ACYP2: variants seen among roughly 807,000 people sequenced by gnomAD.
ACYP2 encodes acylphosphatase 2.
ACYP2 carries 12 observed loss-of-function variants against 11.2 expected under a neutral mutation model. That is an observed-to-expected ratio of 1.08 (90% confidence interval 0.69 to 1.74). The LOEUF is 1.74. Among genes scored for constraint, ACYP2 ranks in the 40% most tolerant of loss-of-function variants. The probability of loss-of-function intolerance (pLI) is 0.00; values close to 1 mark genes in which losing one functional copy is unlikely to be tolerated. For synonymous variants in ACYP2, 43 were observed against 32.2 expected (o/e 1.33, Z -1.13); for missense variants, 134 against 101.9 (o/e 1.31, Z -1.35).
chr2:54,071,583 G>A (rs1008965496), intron 4 of ACYP2, among the ~76,000 whole-genome samples: 2 of 151,862 alleles, frequency 1.3e-5, no homozygotes, highest in African/African-American at 2.4e-5. Flanking sequence ...CTGCCACCTC[G>A]GCCTTCTGAG....
At position 54,102,638 on chromosome 2, in the gene ACYP2, C is replaced by CAAAAAAAAAA. The variant is rs58842257; in HGVS notation, c.278-32788_278-32779dup. 1.7e-3 allele frequency among the ~76,000 whole-genome samples: 140 copies of CAAAAAAAAAA among 83,310 alleles called. 26 individuals carry two copies. Among genetic ancestry groups the CAAAAAAAAAA allele is most frequent in the Non-Finnish European group, 1.9e-3 (83 of 43,282 alleles). The allele number at this position is 83,310 out of a possible 152,430, so 54.7% of individuals were successfully genotyped here. On this transcript the variant is annotated intron_variant, in intron 4 of 6. Transcript: ENST00000607452. ...AAACCCAATTTAAGCTGGCTTAAGC[C>CAAAAAAAAAA]AAAAAAAAAAAAAAAAAAAAAAAAA...
At chr2:54,238,070 C>A (rs1489678753) in intron 6 of ACYP2, among the ~76,000 whole-genome samples, 2 of 152,160 alleles carry the variant, frequency 1.3e-5, no homozygotes, top group East Asian at 3.8e-4. Flanking sequence ...GACTCATTCC[C>A]TTACATGATT....
At chr2:54,126,868 A>C in intron 4 of ACYP2, among the ~76,000 whole-genome samples, 1 of 151,658 alleles carries the variant, frequency 6.6e-6, no homozygotes, top group East Asian at 1.9e-4. Flanking sequence ...GCAGGAGAAT[A>C]AGTTGGACCC....
intron 4 of ACYP2, among the ~76,000 whole-genome samples, chr2:54,070,433 G>T (rs535807691): frequency 8.2e-4 from 125 of 152,246 alleles, no homozygotes; most frequent in Non-Finnish European, 4.9e-4. Flanking sequence ...TGGTTAAGTG[G>T]TTTCATGAGG....
chr2:54,052,248 T>G (rs1430057377), intron 3 of ACYP2, among the ~76,000 whole-genome samples: 1 of 152,122 alleles, frequency 6.6e-6, no homozygotes, highest in African/African-American at 2.4e-5. Context: ...ACAATTGAAA[T>G]GTAAGTCTGT....
intron 6 of ACYP2, among the ~76,000 whole-genome samples, chr2:54,243,078 T>G (rs1414351419): frequency 6.6e-6 from 1 of 152,242 alleles, no homozygotes; most frequent in Non-Finnish European, 1.5e-5. Flanking sequence ...TAGCCCTTTG[T>G]CTGTGATATG....
At chr2:54,283,064 A>G (rs768179965) in intron 6 of ACYP2, among the ~76,000 whole-genome samples, 2 of 152,206 alleles carry the variant, frequency 1.3e-5, no homozygotes, top group Non-Finnish European at 2.9e-5. Flanking sequence ...GAAATTTTTT[A>G]TACTTTGCAC....
chr2:54,236,422 A>C lies in ACYP2; in HGVS notation c.405-68266A>C, dbSNP rs574828452. On this transcript the variant is annotated intron_variant, in intron 6 of 6. Coordinates refer to ENST00000607452, the MANE Select transcript of ACYP2 (RefSeq NM_001320586.2). The stretch of plus-strand genomic sequence containing the variant: ...GAACATTTACTTCAAAATGGGCTCT[A>C]ATTTCCACTGTGACTTTTTTCTTTG... 5.3e-5 allele frequency among the ~76,000 whole-genome samples: 8 copies of C among 152,328 alleles called. No homozygotes were observed. In the East Asian group the frequency reaches 1.3e-3, roughly 26 times the overall value.
At chr2:54,074,865 T>C (rs10865277) in intron 4 of ACYP2, among the ~76,000 whole-genome samples, 58,034 of 151,884 alleles carry the variant, frequency 0.38, 11,763 homozygotes, top group East Asian at 0.67. Context: ...TGAGGTTCAC[T>C]CACATTATGG....
chr2:54,304,677 T>C lies in ACYP2; in HGVS notation c.405-11T>C. 1 of 1,591,058 alleles carries C rather than the reference T, an allele frequency of 6.3e-7. No homozygotes were observed. On this transcript the variant is annotated splice_polypyrimidine_tract_variant and intron_variant, in intron 6 of 6. Coordinates refer to ENST00000607452, the MANE Select transcript of ACYP2 (RefSeq NM_001320586.2). ...TATGCTAATTTTATTTATTTATCTG[T>C]TTTTTTATAGGAAGTCCTGGCTGAG...
At chr2:54,010,658 G>A (rs147209198) in intron 2 of ACYP2, among the ~76,000 whole-genome samples, 32 of 151,242 alleles carry the variant, frequency 2.1e-4, no homozygotes, top group African/African-American at 6.8e-4. Context: ...TTAGTGTTTG[G>A]ATTAAATTTC....
rs1447852707 is a variant in ACYP2 at position 54,115,905 on chromosome 2, G to GGGGGGGT, written c.278-19548_278-19547insGGGGGGT. The GGGGGGGT allele has an allele frequency of 1.4e-4, 148 of 1,049,164 alleles. 1 individual carries two copies. Among genetic ancestry groups the GGGGGGGT allele is most frequent in the African/African-American group, 1.0e-3 (44 of 42,874 alleles). The allele number at this position is 1,049,164 out of a possible 1,614,324, so 65.0% of individuals were successfully genotyped here. A position where few individuals can be genotyped will look rare whatever the true frequency, so the allele number is the denominator to read the frequency against. ...TGACACAGCAGCGGCGGCGGGGAGG[G>GGGGGGGT]AGGCGAAACGCGCATGCGCCCGAGG... On this transcript the variant is annotated intron_variant, in intron 4 of 6. Coordinates refer to ENST00000607452, the MANE Select transcript of ACYP2 (RefSeq NM_001320586.2).
chr2:54,110,666 C>T (rs1237942621), intron 4 of ACYP2, among the ~76,000 whole-genome samples: 1 of 151,966 alleles, frequency 6.6e-6, no homozygotes, highest in East Asian at 1.9e-4. Flanking sequence ...AGTCCAACAC[C>T]CACCTCAGGA....
intron 6 of ACYP2, among the ~76,000 whole-genome samples, chr2:54,149,859 G>A (rs1026801533): frequency 6.6e-6 from 1 of 152,178 alleles, no homozygotes; most frequent in African/African-American, 2.4e-5. Context: ...GAAGGCATTG[G>A]GGAATTTAGC....
intron 6 of ACYP2, among the ~76,000 whole-genome samples, chr2:54,165,193 A>T (rs1478110202): frequency 6.6e-6 from 1 of 152,128 alleles, no homozygotes; most frequent in Non-Finnish European, 1.5e-5. Flanking sequence ...CATCTTGGAG[A>T]CACTGTATAG....
intron 6 of ACYP2, among the ~76,000 whole-genome samples, chr2:54,266,100 T>C (rs894870102): frequency 5.9e-5 from 9 of 152,120 alleles, no homozygotes; most frequent in African/African-American, 2.2e-4. Flanking sequence ...AAATCAACTC[T>C]TGGGTCAAAA....
At chr2:54,214,221 C>T (rs1381997781) in intron 6 of ACYP2, among the ~76,000 whole-genome samples, 3 of 152,152 alleles carry the variant, frequency 2.0e-5, no homozygotes, top group African/African-American at 7.2e-5. Context: ...GTTTATTTTG[C>T]TGTGCAGAAG....
intron 2 of ACYP2, among the ~76,000 whole-genome samples, chr2:54,031,516 A>C (rs931866314): frequency 6.6e-6 from 1 of 152,092 alleles, no homozygotes; most frequent in African/African-American, 2.4e-5. Flanking sequence ...TTCTTAATCC[A>C]GTCTATCATT....
rs1683300691 is a variant in ACYP2, at chr2:54,173,448, T to C, written c.404+34700T>C. On this transcript the variant is annotated intron_variant, in intron 6 of 6. Coordinates refer to ENST00000607452, the MANE Select transcript of ACYP2 (RefSeq NM_001320586.2). Reference sequence around the variant, plus strand: ...TTGTAGATTCTGGATATTAGCCCTTTGTCAGATGGGTAGATTGCAAAAATT... The same window carrying C: ...TTGTAGATTCTGGATATTAGCCCTTCGTCAGATGGGTAGATTGCAAAAATT... 2.0e-5 allele frequency among the ~76,000 whole-genome samples: 3 copies of C among 152,224 alleles called. No individual in the cohort carries two copies. The South Asian group carries it at 6.2e-4, about 32-fold the overall frequency.
Sources: allele counts gnomAD v4.1 joint callset (sites outside exome capture counted in the v4.1 genomes callset), GRCh38; gene constraint gnomAD v4.1.1; transcripts MANE v1.5; gene names NCBI Gene and HGNC (gene_info 2026-07-23, HGNC 2026-07-21).